Variants in PRKAR2B observed in about 807,000 individuals in gnomAD.
The protein encoded by PRKAR2B is protein kinase cAMP-dependent type II regulatory subunit beta, also known as cAMP-dependent protein kinase type II-beta regulatory subunit.
Under a neutral mutation model 49.9 loss-of-function variants are expected in PRKAR2B, and 14 were observed. The observed-to-expected ratio is 0.28, with a 90% CI of 0.19 to 0.44. PRKAR2B has a LOEUF of 0.44. PRKAR2B is among the 20% of genes least tolerant of loss of function. The probability of loss-of-function intolerance (pLI) is 1.00; values close to 1 mark genes in which losing one functional copy is unlikely to be tolerated. For synonymous variants in PRKAR2B, 196 were observed against 197.7 expected (o/e 0.99, Z 0.07); for missense variants, 393 against 537.9 (o/e 0.73, Z 2.67).
chr7:107,124,819 G>C (rs1439306450), intron 3 of PRKAR2B, among the ~76,000 whole-genome samples: 2 of 151,888 alleles, frequency 1.3e-5, no homozygotes, highest in African/African-American at 4.8e-5. Flanking sequence ...CAGAAATTTA[G>C]AGCAGAAGTT....
intron 1 of PRKAR2B, among the ~76,000 whole-genome samples, chr7:107,051,167 C>T (rs997566790): frequency 2.0e-5 from 3 of 152,114 alleles, no homozygotes; most frequent in East Asian, 1.9e-4. Context: ...ACATTTTGTG[C>T]GCTATTTATA....
In PRKAR2B at chr7:107,146,391, T is replaced by G; in HGVS notation, c.671T>G (p.Leu224Arg). 1 of 1,614,216 alleles carries G rather than the reference T, an allele frequency of 6.2e-7. No individual in the cohort carries two copies. Among genetic ancestry groups the G allele is most frequent in the Non-Finnish European group, 8.5e-7 (1 of 1,180,024 alleles). ...NYDNRGSFGE[L>R]ALMYNTPRAA... The stretch of plus-strand genomic sequence containing the variant: ...GATAATCGTGGGAGTTTCGGCGAAC[T>G]GGCCTTAATGTACAATACACCCAGA... Residue 224 changes from leucine (L) to arginine (R), a missense_variant, in exon 6 of 11, where the codon CTG (leucine) becomes CGG (arginine). Leu to Arg is a moderately radical substitution (Grantham distance 102). Coordinates refer to ENST00000265717, the MANE Select transcript of PRKAR2B (RefSeq NM_002736.3).
intron 2 of PRKAR2B, among the ~76,000 whole-genome samples, chr7:107,090,881 T>C (rs1163472181): frequency 6.6e-6 from 1 of 152,216 alleles, no homozygotes; most frequent in East Asian, 1.9e-4. Context: ...TTTAAAAGAA[T>C]GGGACCGTTA....
chr7:107,074,178 C>T (rs902547279), intron 2 of PRKAR2B, among the ~76,000 whole-genome samples: 26 of 152,056 alleles, frequency 1.7e-4, no homozygotes, highest in Non-Finnish European at 2.9e-5. Flanking sequence ...TGCAGTGGCA[C>T]GATCTTGGCT....
chr7:107,064,751 T>A (rs1794100228), intron 1 of PRKAR2B, among the ~76,000 whole-genome samples: 2 of 152,316 alleles, frequency 1.3e-5, no homozygotes, highest in South Asian at 4.1e-4. Flanking sequence ...AAGACAGTGA[T>A]GAGTAAAGTA....
At chr7:107,059,976 C>T (rs1315696938) in intron 1 of PRKAR2B, among the ~76,000 whole-genome samples, 2 of 152,094 alleles carry the variant, frequency 1.3e-5, no homozygotes, top group African/African-American at 4.8e-5. Flanking sequence ...AGAACCCAGC[C>T]ATCTTCTATC....
chr7:107,057,401 G>A (rs1793937098), intron 1 of PRKAR2B, among the ~76,000 whole-genome samples: 1 of 151,066 alleles, frequency 6.6e-6, no homozygotes. Flanking sequence ...TCATAAACGT[G>A]GTCACTAGAG....
chr7:107,122,587 T>C (rs1210316544), intron 3 of PRKAR2B, among the ~76,000 whole-genome samples: 18 of 152,206 alleles, frequency 1.2e-4, no homozygotes, highest in Admixed American at 1.2e-3. Context: ...TGACTATGCC[T>C]GGAAATGGAA....
chr7:107,093,739 C>T (rs1021945393), intron 2 of PRKAR2B, among the ~76,000 whole-genome samples: 31 of 150,234 alleles, frequency 2.1e-4, no homozygotes, highest in Non-Finnish European at 3.5e-4. Flanking sequence ...TCAATTCCCA[C>T]CTATGAGTGA....
intron 8 of PRKAR2B, among the ~76,000 whole-genome samples, chr7:107,156,218 TG>T (rs1796085402): frequency 3.3e-5 from 5 of 151,994 alleles, no homozygotes; most frequent in Admixed American, 3.3e-4. Context: ...TGTATACCTG[TG>T]TAACAAACCT....
At position 107,118,455 on chromosome 7, in the gene PRKAR2B, T is replaced by TAA. The variant is rs34519369; in HGVS notation, c.344-3485_344-3484dup. Among the ~76,000 whole-genome samples the TAA allele has an allele frequency of 3.9e-3, 570 of 147,468 alleles. 4 individuals are homozygous for TAA. The highest frequency in any genetic ancestry group is 0.014 in the African/African-American group (543 of 39,684). ...TTTGTTCATCAACCAGTCATTTATTTAAAAAAAAAAAAAGCATTGAGCTAG... is the reference window on the plus strand; with the variant it reads ...TTTGTTCATCAACCAGTCATTTATTTAAAAAAAAAAAAAAAGCATTGAGCTAG... On this transcript the variant is annotated intron_variant, in intron 2 of 10. Transcript: ENST00000265717.
intron 2 of PRKAR2B, among the ~76,000 whole-genome samples, chr7:107,103,881 G>A (rs1005542459): frequency 2.0e-5 from 3 of 152,172 alleles, no homozygotes; most frequent in Non-Finnish European, 2.9e-5. Context: ...CAATCCATTA[G>A]GAATGCCTGT....
intron 2 of PRKAR2B, among the ~76,000 whole-genome samples, chr7:107,080,678 A>G (rs1477251975): frequency 1.3e-5 from 2 of 152,214 alleles, no homozygotes; most frequent in Non-Finnish European, 2.9e-5. Flanking sequence ...TTGTTTAACT[A>G]AACTTTCCTT....
intron 5 of PRKAR2B, among the ~76,000 whole-genome samples, chr7:107,141,617 G>A (rs769318975): frequency 1.3e-5 from 2 of 152,158 alleles, no homozygotes; most frequent in African/African-American, 2.4e-5. Context: ...GCTTGAACCC[G>A]GCAGGTGGAG....
intron 2 of PRKAR2B, among the ~76,000 whole-genome samples, chr7:107,116,893 A>ATG (rs1441375523): frequency 6.7e-6 from 1 of 149,234 alleles, no homozygotes; most frequent in African/African-American, 2.5e-5. Flanking sequence ...ACATATATAT[A>ATG]TATGTGTGTG....
At chr7:107,091,861 C>T (rs1339485541) in intron 2 of PRKAR2B, 3 of 152,086 alleles carry the variant, frequency 2.0e-5, no homozygotes, top group Non-Finnish European at 4.4e-5. Context: ...AGATGCGAAT[C>T]TACTGAAACA....
intron 4 of PRKAR2B, among the ~76,000 whole-genome samples, chr7:107,137,208 T>C (rs765738779): frequency 4.6e-5 from 7 of 152,224 alleles, no homozygotes; most frequent in Non-Finnish European, 8.8e-5. Flanking sequence ...GTCCCAGTTA[T>C]GGCCTCTAGA....
At chr7:107,059,610 G>GTA (rs1018831218) in intron 1 of PRKAR2B, among the ~76,000 whole-genome samples, 1 of 151,948 alleles carries the variant, frequency 6.6e-6, no homozygotes, top group African/African-American at 2.4e-5. Flanking sequence ...CTTCTATGTA[G>GTA]TATACCCTTG....
chr7:107,050,236 A>G (rs1466112661), intron 1 of PRKAR2B, among the ~76,000 whole-genome samples: 3 of 152,002 alleles, frequency 2.0e-5, no homozygotes, highest in Admixed American at 1.3e-4. Flanking sequence ...AAGACATACA[A>G]TGGAAACACC....
Sources: allele counts gnomAD v4.1 joint callset (sites outside exome capture counted in the v4.1 genomes callset), GRCh38; gene constraint gnomAD v4.1.1; transcripts MANE v1.5; gene names NCBI Gene and HGNC (gene_info 2026-07-23, HGNC 2026-07-21).